The following STK32A variants were observed in gnomAD, a reference collection of about 807,000 sequenced individuals.
STK32A encodes serine/threonine kinase 32A, also known as serine/threonine-protein kinase 32A.
A neutral mutation model predicts 53.2 loss-of-function variants in STK32A; 41 were observed. The observed-to-expected ratio is 0.77, with a 90% CI of 0.60 to 1.00. The LOEUF (loss-of-function observed/expected upper bound fraction) is 1.00, where lower values mean the gene tolerates loss of function less well. Ranked by LOEUF, STK32A falls within the 50% of genes least tolerant of loss-of-function variation. The probability of loss-of-function intolerance (pLI) is 0.00; values close to 1 mark genes in which losing one functional copy is unlikely to be tolerated. For synonymous variants in STK32A, 166 were observed against 162.8 expected (o/e 1.02, Z -0.15); for missense variants, 458 against 485.8 (o/e 0.94, Z 0.54).
intron 2 of STK32A, among the ~76,000 whole-genome samples, chr5:147,250,706 C>A (rs973768829): frequency 6.6e-6 from 1 of 151,960 alleles, no homozygotes. Flanking sequence ...CTTTGGGAGG[C>A]CGAGGTGAGC....
At chr5:147,361,390 A>G (rs867687570) in intron 7 of STK32A, 127 bp from the exon 8 acceptor site, 4 of 713,142 alleles carry the variant, frequency 5.6e-6, no homozygotes, top group Non-Finnish European at 7.5e-6. Flanking sequence ...CTAGCAACGG[A>G]TGATAAACAT....
At chr5:147,291,910 G>A (rs1452647910) in intron 4 of STK32A, among the ~76,000 whole-genome samples, 1 of 152,086 alleles carries the variant, frequency 6.6e-6, no homozygotes, top group Non-Finnish European at 1.5e-5. Context: ...ATAATGAATG[G>A]CCATGTACGC....
chr5:147,352,663 C>A (rs879368430), intron 7 of STK32A, among the ~76,000 whole-genome samples: 4 of 152,124 alleles, frequency 2.6e-5, no homozygotes, highest in Non-Finnish European at 5.9e-5. Flanking sequence ...AGAGTGACTG[C>A]AAGAAAAGAT....
chr5:147,372,269 CTTTTTTTTT>C (rs71274369), intron 9 of STK32A, among the ~76,000 whole-genome samples: 11 of 49,332 alleles, frequency 2.2e-4, no homozygotes, highest in East Asian at 1.8e-3. Context: ...TGGGCTTGGC[CTTTTTTTTT>C]TTTTTTTTTT....
chr5:147,320,516 G>A (rs566497748), intron 4 of STK32A, among the ~76,000 whole-genome samples: 1 of 152,300 alleles, frequency 6.6e-6, no homozygotes, highest in African/African-American at 2.4e-5. Flanking sequence ...AGGTACTGAG[G>A]CAACAATGGT....
intron 1 of STK32A, among the ~76,000 whole-genome samples, chr5:147,237,286 C>T (rs190272002): frequency 2.3e-3 from 344 of 151,934 alleles, no homozygotes; most frequent in African/African-American, 7.8e-3. Flanking sequence ...GCACTCCAGC[C>T]TGGGCAACAG....
At chr5:147,241,717 A>G (rs1458209688) in intron 2 of STK32A, among the ~76,000 whole-genome samples, 1 of 152,126 alleles carries the variant, frequency 6.6e-6, no homozygotes, top group Non-Finnish European at 1.5e-5. Flanking sequence ...TCTAGAGACT[A>G]GTGATATTAC....
chr5:147,397,557 T>C, the STK32A span: 1 of 1,163,040 alleles, frequency 8.6e-7, no homozygotes, highest in South Asian at 1.8e-5. Context: ...TCACTGAATT[T>C]CTCTGTGAGA....
intron 2 of STK32A, among the ~76,000 whole-genome samples, chr5:147,263,345 C>T (rs6871193): frequency 0.3 from 44,974 of 151,994 alleles, 7,062 homozygotes; most frequent in African/African-American, 0.36. Context: ...GAGCCACATA[C>T]TCAGAATGTC....
rs112048222 is a variant in STK32A, at chr5:147,344,421, A to C, written c.472+1378A>C. Among the ~76,000 whole-genome samples, 968 of 152,274 alleles carry C rather than the reference A, an allele frequency of 6.4e-3. 9 individuals carry two copies. The highest frequency in any genetic ancestry group is 0.02 in the African/African-American group (842 of 41,546). Reference sequence around the variant, plus strand: ...CTGACATTTGAAAACAGGGTCTCTGATTCTCAGAAATGTGAGCAATGGTGA... The same window carrying C: ...CTGACATTTGAAAACAGGGTCTCTGCTTCTCAGAAATGTGAGCAATGGTGA... On this transcript the variant is annotated intron_variant, in intron 6 of 12. Coordinates refer to ENST00000397936, the MANE Select transcript of STK32A (RefSeq NM_001112724.2).
At chr5:147,237,964 T>TA (rs1561660025) in intron 1 of STK32A, among the ~76,000 whole-genome samples, 1 of 151,906 alleles carries the variant, frequency 6.6e-6, no homozygotes, top group African/African-American at 2.4e-5. Context: ...ACTATTTTTT[T>TA]AAAAATACGC....
At chr5:147,270,162 A>G (rs1754968700) in intron 2 of STK32A, among the ~76,000 whole-genome samples, 1 of 152,204 alleles carries the variant, frequency 6.6e-6, no homozygotes, top group Non-Finnish European at 1.5e-5. Flanking sequence ...CCAGAAGGAC[A>G]AACAAGAAAA....
At chr5:147,238,092 G>C (rs779818874) in intron 1 of STK32A, among the ~76,000 whole-genome samples, 3 of 152,172 alleles carry the variant, frequency 2.0e-5, no homozygotes, top group Non-Finnish European at 4.4e-5. Context: ...ATGTATCCAT[G>C]ACCATATATG....
At chr5:147,394,218 G>A in the STK32A span, 26 of 1,290,202 alleles carry the variant, frequency 2.0e-5, no homozygotes, top group Non-Finnish European at 2.8e-5. Flanking sequence ...TTTTAAGAGT[G>A]CAAGATATGA....
chr5:147,352,076 G>T (rs1756011429), intron 7 of STK32A, among the ~76,000 whole-genome samples: 1 of 152,112 alleles, frequency 6.6e-6, no homozygotes, highest in Non-Finnish European at 1.5e-5. Flanking sequence ...GAGCTGGATG[G>T]TGGCATGCAT....
chr5:147,363,472 C>G (rs1338771535), intron 8 of STK32A, among the ~76,000 whole-genome samples: 1 of 152,164 alleles, frequency 6.6e-6, no homozygotes, highest in Non-Finnish European at 1.5e-5. Flanking sequence ...CCCTTCGAAA[C>G]AGAGGTGGAG....
chr5:147,394,275 T>TA, the STK32A span: 1 of 767,360 alleles, frequency 1.3e-6, no homozygotes, highest in South Asian at 1.8e-5. Context: ...TTCCAGTCTA[T>TA]CAGGTCTTCT....
At chr5:147,397,357 G>A in the STK32A span, among the ~76,000 whole-genome samples, 1 of 151,162 alleles carries the variant, frequency 6.6e-6, no homozygotes, top group Non-Finnish European at 1.5e-5. Flanking sequence ...CAGACTTGAA[G>A]AGTCATTTAT....
At chr5:147,337,560 C>T (rs1179835123) in intron 5 of STK32A, among the ~76,000 whole-genome samples, 1 of 152,084 alleles carries the variant, frequency 6.6e-6, no homozygotes, top group African/African-American at 2.4e-5. Context: ...ATTTGAGAAA[C>T]CAGGGGGCTG....
Sources: allele counts gnomAD v4.1 joint callset (sites outside exome capture counted in the v4.1 genomes callset), GRCh38; gene constraint gnomAD v4.1.1; transcripts MANE v1.5; gene names NCBI Gene and HGNC (gene_info 2026-07-23, HGNC 2026-07-21).